TNFSF4: variants seen among roughly 807,000 people sequenced by gnomAD.
TNFSF4 encodes the protein tumor necrosis factor ligand superfamily member 4.
A neutral mutation model predicts 7.3 loss-of-function variants in TNFSF4; 4 were observed. The ratio of observed to expected loss-of-function variants is 0.55; its 90% CI spans 0.27 to 1.25. The LOEUF is 1.25. Ranked by LOEUF, TNFSF4 falls within the 50% of genes most tolerant of loss-of-function variation. The pLI, the probability that TNFSF4 is intolerant of heterozygous loss-of-function variation, is 0.12. For missense variants in TNFSF4, 181 were observed against 208.8 expected (o/e 0.87, Z 0.82); for synonymous variants, 76 against 83.7 (o/e 0.91, Z 0.50).
At chr1:173,344,580 T>C in the TNFSF4 span, among the ~76,000 whole-genome samples, 2 of 152,198 alleles carry the variant, frequency 1.3e-5, no homozygotes, top group African/African-American at 2.4e-5. Context: ...AGTGGCAAGA[T>C]TGCACCATAA....
At chr1:173,187,969 A>G (rs943686411) in intron 2 of TNFSF4, among the ~76,000 whole-genome samples, 3 of 152,224 alleles carry the variant, frequency 2.0e-5, no homozygotes, top group African/African-American at 7.2e-5. Context: ...CTTATGGAGG[A>G]CAAGAAATAC....
At chr1:173,351,949 A>G in the TNFSF4 span, 1 of 531,982 alleles carries the variant, frequency 1.9e-6, no homozygotes, top group Non-Finnish European at 3.5e-6. Context: ...GCCAAATCTC[A>G]CCAGGCAGGA....
the TNFSF4 span, among the ~76,000 whole-genome samples, chr1:173,438,416 T>A: frequency 6.6e-6 from 1 of 152,180 alleles, no homozygotes; most frequent in Non-Finnish European, 1.5e-5. Flanking sequence ...CCCTGAAAAT[T>A]TGAGCTGATT....
chr1:173,212,513 C>T, the TNFSF4 span, among the ~76,000 whole-genome samples: 1 of 150,466 alleles, frequency 6.6e-6, no homozygotes, highest in African/African-American at 2.4e-5. Context: ...TGCTCTGTTT[C>T]ATCTTGTAAT....
chr1:173,277,997 A>G, the TNFSF4 span, among the ~76,000 whole-genome samples: 1 of 152,158 alleles, frequency 6.6e-6, no homozygotes. Flanking sequence ...ACTTTAGTGT[A>G]GGTCCAAATC....
intron 1 of TNFSF4, among the ~76,000 whole-genome samples, chr1:173,199,388 A>C (rs918753555): frequency 2.6e-5 from 4 of 152,218 alleles, no homozygotes; most frequent in African/African-American, 9.7e-5. Context: ...CATGCAGTCA[A>C]CTGGATTAGG....
chr1:173,348,224 T>TG, the TNFSF4 span, among the ~76,000 whole-genome samples: 1 of 152,220 alleles, frequency 6.6e-6, no homozygotes, highest in South Asian at 2.1e-4. Context: ...AATTGAATTA[T>TG]GGGGGCAGTT....
the TNFSF4 span, among the ~76,000 whole-genome samples, chr1:173,267,891 C>CAGAGG: frequency 0.29 from 43,322 of 150,156 alleles, 6,289 homozygotes; most frequent in Admixed American, 0.37. Flanking sequence ...GAGAGGAGAG[C>CAGAGG]AGAGGAGAGG....
chr1:173,198,778 T>C (rs559936909), intron 1 of TNFSF4, among the ~76,000 whole-genome samples: 1 of 152,254 alleles, frequency 6.6e-6, no homozygotes, highest in East Asian at 1.9e-4. Context: ...AGATGATCCC[T>C]AGTGTTGTGC....
the TNFSF4 span, among the ~76,000 whole-genome samples, chr1:173,357,338 A>G: frequency 6.6e-6 from 1 of 152,112 alleles, no homozygotes; most frequent in East Asian, 1.9e-4. Flanking sequence ...AAGAGCCTTG[A>G]ACAAGTAGTA....
chr1:173,288,537 G>T, the TNFSF4 span, among the ~76,000 whole-genome samples: 1 of 151,978 alleles, frequency 6.6e-6, no homozygotes, highest in African/African-American at 2.4e-5. Context: ...ATATAGAAAT[G>T]GTTCCCAATA....
intron 2 of TNFSF4, among the ~76,000 whole-genome samples, chr1:173,187,231 C>A (rs1355271343): frequency 2.0e-5 from 3 of 152,118 alleles, no homozygotes; most frequent in Admixed American, 2.0e-4. Flanking sequence ...TCACAAAGCA[C>A]CTATAGCAGG....
the TNFSF4 span, among the ~76,000 whole-genome samples, chr1:173,177,409 AAAG>A: frequency 6.6e-6 from 1 of 152,112 alleles, no homozygotes; most frequent in Non-Finnish European, 1.5e-5. Context: ...AAATGGACAC[AAAG>A]AAGGAAACAA....
the TNFSF4 span, among the ~76,000 whole-genome samples, chr1:173,253,600 A>G: frequency 7.9e-5 from 12 of 152,230 alleles, no homozygotes; most frequent in South Asian, 2.1e-4. Flanking sequence ...GCCTGGTAAC[A>G]AAGAGAGAAC....
chr1:173,374,445 G>A, the TNFSF4 span, among the ~76,000 whole-genome samples: 7 of 152,154 alleles, frequency 4.6e-5, no homozygotes, highest in South Asian at 4.2e-4. Context: ...TCACCACACC[G>A]GAGTTAAACT....
chr1:173,319,153 T>G, the TNFSF4 span, among the ~76,000 whole-genome samples: 1 of 152,082 alleles, frequency 6.6e-6, no homozygotes, highest in Non-Finnish European at 1.5e-5. Flanking sequence ...TCAAGCTTGG[T>G]GGGGTGAGGG....
the TNFSF4 span, among the ~76,000 whole-genome samples, chr1:173,406,403 T>G: frequency 6.6e-6 from 1 of 152,174 alleles, no homozygotes; most frequent in African/African-American, 2.4e-5. Context: ...CAAAAATTAT[T>G]AAATACCTAC....
At chr1:173,278,456 T>C in the TNFSF4 span, among the ~76,000 whole-genome samples, 1 of 152,108 alleles carries the variant, frequency 6.6e-6, no homozygotes, top group Non-Finnish European at 1.5e-5. Flanking sequence ...ACTACTTTAA[T>C]ATTTGTCGTT....
the TNFSF4 span, among the ~76,000 whole-genome samples, chr1:173,399,174 A>T: frequency 6.7e-6 from 1 of 148,540 alleles, no homozygotes; most frequent in South Asian, 2.1e-4. Flanking sequence ...AGGCACAAGT[A>T]AGTAATATGA....
Sources: gnomAD v4.1 joint callset for allele counts (sites outside exome capture counted in the v4.1 genomes callset) on GRCh38, gnomAD v4.1.1 for gene constraint, MANE v1.5 for transcripts, NCBI Gene and HGNC (gene_info 2026-07-23, HGNC 2026-07-21) for gene names.